MUC5AC: variants seen among roughly 807,000 people sequenced by gnomAD.
MUC5AC encodes mucin-5AC.
MUC5AC carries 158 observed loss-of-function variants against 169.7 expected under a neutral mutation model. That is an observed-to-expected ratio of 0.93 (90% CI 0.82 to 1.06). MUC5AC has a LOEUF of 1.06. Ranked by LOEUF, MUC5AC falls within the 50% of genes least tolerant of loss-of-function variation. The probability of loss-of-function intolerance (pLI) is 0.00; values close to 1 mark genes in which losing one functional copy is unlikely to be tolerated. For missense variants in MUC5AC, 4,359 were observed against 3,089.9 expected, an observed-to-expected ratio of 1.41 and a Z score of -9.74; for synonymous variants, 1,975 against 1,237.0, an observed-to-expected ratio of 1.60 and a Z score of -12.52.
rs1327744916 is a variant in MUC5AC, at chr11:1,185,214, A to G, written c.7069A>G (p.Thr2357Ala). Residue 2357 changes from threonine (T) to alanine (A), a missense_variant, in exon 31 of 49, where the codon ACC becomes GCC. Coordinates refer to ENST00000621226, the MANE Select transcript of MUC5AC (RefSeq NM_001304359.2). ...TPSPVPTTSITSAPTTSTTSA... is the reference protein window; with the variant it reads ...TPSPVPTTSIASAPTTSTTSA... ...CAGCCCTGTTCCTACCACCAGCATA[A>G]CCTCTGCCCCTACAACCAGCACAAC... 32 of 732,166 alleles carry G rather than the reference A, an allele frequency of 4.4e-5. No individual in the cohort carries two copies. The Admixed American group carries it at 5.8e-4, about 13-fold the overall frequency. 45.4% of individuals were successfully genotyped at this position (732,166 alleles called of 1,614,324 possible). A position where few individuals can be genotyped will look rare whatever the true frequency, so the allele number is the denominator to read the frequency against.
At position 1,188,796 on chromosome 11, in the gene MUC5AC, A is replaced by G; in HGVS notation, c.10651A>G (p.Ile3551Val). 1 of 753,856 alleles carries G rather than the reference A, an allele frequency of 1.3e-6. No individual in the cohort carries two copies. The highest frequency in any genetic ancestry group is 1.7e-5 in the Admixed American group (1 of 58,180). The allele number at this position is 753,856 out of a possible 1,614,324, so 46.7% of individuals were successfully genotyped here. ...GGACAAGGAAACCTACAACAACATC[A>G]TCAGGAGTGGGGAAAAAATCTGCCG... Reference protein sequence around the residue: ...GGDKETYNNIIRSGEKICRRP... With the variant: ...GGDKETYNNIVRSGEKICRRP... The change falls in exon 31 of 49, where the codon ATC becomes GTC. Residue 3551 changes from isoleucine to valine, a missense_variant. By Grantham distance (29) the Ile-to-Val change is conservative. Coordinates refer to ENST00000621226, the MANE Select transcript of MUC5AC (RefSeq NM_001304359.2).
chr11:1,195,410 C>G (rs1300906737), intron 36 of MUC5AC, 131 bp downstream of exon 36: 1 of 636,870 alleles, frequency 1.6e-6, no homozygotes, highest in Admixed American at 2.2e-5. Context: ...GTACCACAGA[C>G]CAAGGAGGGG....
chr11:1,158,167 G>A (rs1554923952), intron 1 of MUC5AC, 95 bp downstream of exon 1: 5 of 1,145,224 alleles, frequency 4.4e-6, no homozygotes, highest in Non-Finnish European at 1.2e-6. Flanking sequence ...TTCCGGGCAG[G>A]CTGCATGTGC....
chr11:1,192,320 C>G lies in MUC5AC; in HGVS notation c.14175C>G (p.Cys4725Trp). ...ACTACGAGGTGCGCGTGCTCTGCTGCGAGACCCCCAGAGGCTGCCCGGTGA... is the reference window on the plus strand; with the variant it reads ...ACTACGAGGTGCGCGTGCTCTGCTGGGAGACCCCCAGAGGCTGCCCGGTGA... ...CLNYEVRVLC[C>W]ETPRGCPVTS... The change falls in exon 31 of 49, where the codon TGC (cysteine) becomes TGG (tryptophan). Residue 4725 changes from cysteine (C) to tryptophan (W), a missense_variant. By Grantham distance (215) the Cys-to-Trp change is radical. Transcript: ENST00000621226. 1 of 765,092 alleles carries G rather than the reference C, an allele frequency of 1.3e-6. No individual in the cohort carries two copies. Among genetic ancestry groups the G allele is most frequent in the Non-Finnish European group, 2.4e-6 (1 of 417,894 alleles). 47.4% of individuals were successfully genotyped at this position (765,092 alleles called of 1,614,324 possible). A position where few individuals can be genotyped will look rare whatever the true frequency, so the allele number is the denominator to read the frequency against.
chr11:1,192,548 A>G (rs764064838), intron 31 of MUC5AC, 23 bp downstream of exon 31: 2 of 761,446 alleles, frequency 2.6e-6, no homozygotes, highest in Non-Finnish European at 4.8e-6. Context: ...TTCTGGTGCA[A>G]TTGTTTCTGA....
intron 11 of MUC5AC, 88 bp downstream of exon 11, chr11:1,165,848 C>T: frequency 1.3e-6 from 2 of 1,563,092 alleles, no homozygotes; most frequent in Admixed American, 1.7e-5. Flanking sequence ...CTGCATGTCA[C>T]TGCTGCCCCT....
Position 1,189,589 on chromosome 11 carries a change from C to G in MUC5AC, c.11444C>G (p.Thr3815Arg). 1 of 611,794 alleles carries G rather than the reference C, an allele frequency of 1.6e-6. No individual in the cohort carries two copies. Among genetic ancestry groups the G allele is most frequent in the South Asian group, 2.0e-5 (1 of 51,254 alleles). 37.9% of individuals were successfully genotyped at this position (611,794 alleles called of 1,614,324 possible). A position where few individuals can be genotyped will look rare whatever the true frequency, so the allele number is the denominator to read the frequency against. ...TSTISSPTTSTTSTPQTSTTS... is the reference protein window; with the variant it reads ...TSTISSPTTSRTSTPQTSTTS... ...ACAATCTCTTCCCCTACAACCAGCA[C>G]AACCTCCACTCCGCAGACCAGCACA... Residue 3815 changes from threonine to arginine, a missense_variant, in exon 31 of 49, where the codon ACA becomes AGA. Physicochemically the swap from Thr to Arg is moderately conservative, Grantham distance 71. Coordinates refer to ENST00000621226, the MANE Select transcript of MUC5AC (RefSeq NM_001304359.2).
chr11:1,193,080 G>C (rs1284788644), intron 32 of MUC5AC, 98 bp downstream of exon 32: 1 of 601,212 alleles, frequency 1.7e-6, no homozygotes, highest in Non-Finnish European at 3.0e-6. Context: ...TCTTGAGAAG[G>C]TCACTGGCGC....
intron 26 of MUC5AC, among the ~76,000 whole-genome samples, 182 bp downstream of exon 26, chr11:1,179,430 C>T (rs1387792178): frequency 6.9e-6 from 1 of 144,994 alleles, no homozygotes; most frequent in Admixed American, 6.8e-5. Context: ...GTAGAACGTT[C>T]TGGGCAGAGG....
At chr11:1,165,264 C>G (rs1473203705) in intron 9 of MUC5AC, 38 bp from the exon 10 acceptor site, 1 of 1,575,858 alleles carries the variant, frequency 6.3e-7, no homozygotes, top group South Asian at 1.1e-5. Flanking sequence ...TGCGTGGACA[C>G]AGCAGGCGCC....
rs1288222248 is a variant in MUC5AC, at chr11:1,190,065, G to A, written c.11920G>A (p.Gly3974Ser). Reference sequence around the variant, plus strand: ...GGACTTTCCATCCCCTGGACCCCACGGTGGGGACAAGGAAACCTACAACAA... The same window carrying A: ...GGACTTTCCATCCCCTGGACCCCACAGTGGGGACAAGGAAACCTACAACAA... ...DVDFPSPGPH[G>S]GDKETYNNII... is the part of the protein sequence containing the mutation. The change falls in exon 31 of 49, where the codon GGT (glycine) becomes AGT (serine). Residue 3974 changes from glycine to serine, a missense_variant. Physicochemically the swap from Gly to Ser is moderately conservative, Grantham distance 56. Coordinates refer to ENST00000621226, the MANE Select transcript of MUC5AC (RefSeq NM_001304359.2). 3.3e-5 allele frequency: 25 copies of A among 764,466 alleles called. 1 individual carries two copies. The highest frequency in any genetic ancestry group is 2.2e-4 in the East Asian group (9 of 41,262). The allele number at this position is 764,466 out of a possible 1,614,324, so 47.4% of individuals were successfully genotyped here. A position where few individuals can be genotyped will look rare whatever the true frequency, so the allele number is the denominator to read the frequency against.
At position 1,168,571 on chromosome 11, in the gene MUC5AC, T is replaced by A; in HGVS notation, c.1567+19T>A. 1 of 1,612,496 alleles carries A rather than the reference T, an allele frequency of 6.2e-7. No individual in the cohort carries two copies. The highest frequency in any genetic ancestry group is 8.5e-7 in the Non-Finnish European group (1 of 1,179,774). The stretch of plus-strand genomic sequence containing the variant: ...TCTGCAGGTGAGGGCAGTGGCTTCT[T>A]CCCCACCCCGGGGCTGCCTGGGGTC... On this transcript the variant is annotated intron_variant, in intron 13 of 48. Transcript: ENST00000621226.
At chr11:1,196,283 A>G (rs1861269048) in intron 37 of MUC5AC, 105 bp from the exon 38 acceptor site, 3 of 710,290 alleles carry the variant, frequency 4.2e-6, no homozygotes. Context: ...CCAGGCCCAC[A>G]GGTGGCTGCG....
Position 1,162,614 on chromosome 11 carries a change from G to T in MUC5AC, c.556G>T (p.Val186Phe). ...YTKVEARLGL[V>F]LMWNHDDSLL... Reference sequence around the variant, plus strand: ...CAAGGTGGAGGCCAGGCTGGGCCTTGTCCTCATGTGGAACCACGATGACAG... The same window carrying T: ...CAAGGTGGAGGCCAGGCTGGGCCTTTTCCTCATGTGGAACCACGATGACAG... Residue 186 changes from valine to phenylalanine, a missense_variant, in exon 5 of 49, where the codon GTC becomes TTC. Coordinates refer to ENST00000621226, the MANE Select transcript of MUC5AC (RefSeq NM_001304359.2). 1 of 1,612,758 alleles carries T rather than the reference G, an allele frequency of 6.2e-7. No homozygotes were observed. Among genetic ancestry groups the T allele is most frequent in the South Asian group, 1.1e-5 (1 of 91,082 alleles).
chr11:1,165,231 T>G, intron 9 of MUC5AC, 71 bp from the exon 10 acceptor site: 3 of 1,423,462 alleles, frequency 2.1e-6, no homozygotes, highest in Non-Finnish European at 2.9e-6. Flanking sequence ...GGGGCCGCCA[T>G]GTTGTTCCCC....
At chr11:1,172,584 C>T in intron 16 of MUC5AC, 61 bp downstream of exon 16, 1 of 398,598 alleles carries the variant, frequency 2.5e-6, no homozygotes, top group East Asian at 3.6e-5. Context: ...CGGCTGCCTC[C>T]AGGAGGGCTG....
In MUC5AC at chr11:1,157,968, G is replaced by C; in HGVS notation, c.-32G>C. On this transcript the variant is annotated 5_prime_UTR_variant, in exon 1 of 49. Coordinates refer to ENST00000621226, the MANE Select transcript of MUC5AC (RefSeq NM_001304359.2). ...TGGGTCCCTCCTCAGAGGCTGCTGAGGGACAGGGCACTCTTCCCCGCCGTC... is the reference window on the plus strand; with the variant it reads ...TGGGTCCCTCCTCAGAGGCTGCTGACGGACAGGGCACTCTTCCCCGCCGTC... The C allele has an allele frequency of 6.4e-7, 1 of 1,566,520 alleles. No individual in the cohort carries two copies. The highest frequency in any genetic ancestry group is 8.6e-7 in the Non-Finnish European group (1 of 1,156,320).
Position 1,189,685 on chromosome 11 carries a change from C to A in MUC5AC, c.11540C>A (p.Thr3847Lys). The A allele has an allele frequency of 1.6e-6, 1 of 629,106 alleles. No homozygotes were observed. Among genetic ancestry groups the A allele is most frequent in the Non-Finnish European group, 2.8e-6 (1 of 351,270 alleles). The allele number at this position is 629,106 out of a possible 1,614,324, so 39.0% of individuals were successfully genotyped here. ...ACAACTTCTGCCCCTACAACCAGCACAACCTCCACTCCACAGACCAGCATA... is the reference window on the plus strand; with the variant it reads ...ACAACTTCTGCCCCTACAACCAGCAAAACCTCCACTCCACAGACCAGCATA... Reference protein sequence around the residue: ...TSTTSAPTTSTTSTPQTSISS... With the variant: ...TSTTSAPTTSKTSTPQTSISS... Residue 3847 changes from threonine to lysine, a missense_variant, in exon 31 of 49, where the codon ACA (threonine) becomes AAA (lysine). Transcript: ENST00000621226.
chr11:1,174,456 G>C, intron 16 of MUC5AC, 40 bp from the exon 17 acceptor site: 1 of 1,278,982 alleles, frequency 7.8e-7, no homozygotes. Context: ...CCAGGTGTGG[G>C]CTGGGGTCTC....
Sources: allele counts gnomAD v4.1 joint callset (sites outside exome capture counted in the v4.1 genomes callset), GRCh38; gene constraint gnomAD v4.1.1; transcripts MANE v1.5; gene names NCBI Gene and HGNC (gene_info 2026-07-23, HGNC 2026-07-21).